Variants in ADAMTS6 observed in about 807,000 individuals in gnomAD.
ADAMTS6 encodes A disintegrin and metalloproteinase with thrombospondin motifs 6.
ADAMTS6 carries 23 observed loss-of-function variants against 144.3 expected under a neutral mutation model. That is an observed-to-expected ratio of 0.16 (90% CI 0.11 to 0.23). The LOEUF is 0.23. ADAMTS6 is among the 10% of genes least tolerant of loss of function. ADAMTS6 has a pLI of 1.00. For missense variants in ADAMTS6, 999 were observed against 1,379.6 expected, an observed-to-expected ratio of 0.72 and a Z score of 4.37; for synonymous variants, 444 against 457.5, an observed-to-expected ratio of 0.97 and a Z score of 0.38.
rs79265687 is a variant in ADAMTS6, at chr5:65,338,351, G to A, written c.1074-4266C>T. Among the ~76,000 whole-genome samples the A allele has an allele frequency of 4.5e-4, 68 of 152,254 alleles. 1 individual carries two copies. The East Asian group carries it at 8.1e-3, about 18-fold the overall frequency. On this transcript the variant is annotated intron_variant, in intron 7 of 24. Transcript: ENST00000381055. ...TCTTTTACCCTAAATTCATAATGAC[G>A]TTGGACAATTGAGCAAGATCAAAAC...
chr5:65,419,159 A>G (rs906977665), intron 7 of ADAMTS6, among the ~76,000 whole-genome samples: 1 of 152,208 alleles, frequency 6.6e-6, no homozygotes, highest in African/African-American at 2.4e-5. Context: ...GTGCCCATCA[A>G]TGGGGACTGG....
chr5:65,253,938 C>G (rs1219997645), intron 14 of ADAMTS6, among the ~76,000 whole-genome samples: 1 of 148,876 alleles, frequency 6.7e-6, no homozygotes, highest in Non-Finnish European at 1.5e-5. Context: ...AGTGATCCTC[C>G]CACTCAAGCA....
chr5:65,249,131 C>T (rs1314214808), intron 14 of ADAMTS6, among the ~76,000 whole-genome samples: 1 of 151,888 alleles, frequency 6.6e-6, no homozygotes, highest in Non-Finnish European at 1.5e-5. Context: ...GACAGTTTGG[C>T]AATTATTATA....
intron 10 of ADAMTS6, among the ~76,000 whole-genome samples, chr5:65,296,247 GAATTGGGTTGATATCATCTACAGT>G (rs1174877568): frequency 5.3e-5 from 8 of 152,108 alleles, no homozygotes; most frequent in Non-Finnish European, 1.0e-4. Flanking sequence ...AAGCAAAATA[GAATTGGGTTGATATCATCTACAGT>G]AAGTCAACTG....
chr5:65,354,043 C>T (rs1749100055), intron 7 of ADAMTS6, among the ~76,000 whole-genome samples: 1 of 151,862 alleles, frequency 6.6e-6, no homozygotes, highest in South Asian at 2.1e-4. Flanking sequence ...ACCTCCTCTA[C>T]CACCTTTCTA....
At chr5:65,182,081 C>T (rs1243340194) in intron 22 of ADAMTS6, among the ~76,000 whole-genome samples, 2 of 152,086 alleles carry the variant, frequency 1.3e-5, no homozygotes, top group African/African-American at 2.4e-5. Context: ...CGAAGAAAGA[C>T]AATTCATTCA....
intron 15 of ADAMTS6, among the ~76,000 whole-genome samples, chr5:65,241,116 C>T (rs7725422): frequency 0.61 from 93,018 of 151,490 alleles, 30,478 homozygotes; most frequent in African/African-American, 0.87. Context: ...TATAGTAAAA[C>T]GTTAATGGTA....
chr5:65,339,267 C>A (rs1747596503), intron 7 of ADAMTS6, among the ~76,000 whole-genome samples: 1 of 152,124 alleles, frequency 6.6e-6, no homozygotes, highest in Non-Finnish European at 1.5e-5. Flanking sequence ...GCTGAAGAAA[C>A]TATACACAGA....
intron 22 of ADAMTS6, among the ~76,000 whole-genome samples, chr5:65,182,848 A>T (rs1250146794): frequency 6.6e-6 from 1 of 152,134 alleles, no homozygotes; most frequent in South Asian, 2.1e-4. Flanking sequence ...TTTCAACCAT[A>T]TTTTCAAGAA....
intron 7 of ADAMTS6, among the ~76,000 whole-genome samples, chr5:65,420,123 A>T (rs1309408298): frequency 3.9e-5 from 6 of 152,188 alleles, no homozygotes; most frequent in Non-Finnish European, 8.8e-5. Flanking sequence ...AGAAGTGCCA[A>T]GCAAAGGGTG....
At chr5:65,207,117 A>G (rs1232586955) in intron 20 of ADAMTS6, among the ~76,000 whole-genome samples, 1 of 152,184 alleles carries the variant, frequency 6.6e-6, no homozygotes, top group Non-Finnish European at 1.5e-5. Flanking sequence ...TCTAACAGTA[A>G]ACTGTCTCCT....
At chr5:65,234,602 T>C (rs982911389) in intron 15 of ADAMTS6, among the ~76,000 whole-genome samples, 8 of 151,752 alleles carry the variant, frequency 5.3e-5, no homozygotes, top group Non-Finnish European at 8.8e-5. Context: ...AGTCACAAGA[T>C]CACAAGTGTA....
At chr5:65,330,007 T>C (rs1483300653) in intron 8 of ADAMTS6, among the ~76,000 whole-genome samples, 1 of 152,058 alleles carries the variant, frequency 6.6e-6, no homozygotes, top group Non-Finnish European at 1.5e-5. Flanking sequence ...CTGTTAAAGA[T>C]GGGAGGTTTT....
At chr5:65,362,694 T>C (rs982026824) in intron 7 of ADAMTS6, among the ~76,000 whole-genome samples, 18 of 152,310 alleles carry the variant, frequency 1.2e-4, no homozygotes, top group African/African-American at 4.3e-4. Context: ...ATTCTTTCCA[T>C]CACATATTTT....
At position 65,455,174 on chromosome 5, in the gene ADAMTS6, C is replaced by T. The variant is rs556321424; in HGVS notation, c.632-2256G>A. Among the ~76,000 whole-genome samples, 1,085 of 152,266 alleles carry T rather than the reference C, an allele frequency of 7.1e-3. 8 individuals carry two copies. The highest frequency in any genetic ancestry group is 0.044 in the Middle Eastern group (13 of 294). ...CCTTCTCCGACCCATTCAATTTCTCCTTTTTATTTAAAATATTGTGAAAAT... is the reference window on the plus strand; with the variant it reads ...CCTTCTCCGACCCATTCAATTTCTCTTTTTTATTTAAAATATTGTGAAAAT... On this transcript the variant is annotated intron_variant, in intron 4 of 24. Transcript: ENST00000381055.
chr5:65,333,030 G>A (rs905489938), intron 8 of ADAMTS6, among the ~76,000 whole-genome samples: 2 of 152,134 alleles, frequency 1.3e-5, no homozygotes, highest in Non-Finnish European at 2.9e-5. Flanking sequence ...GAACTTCCCA[G>A]GCAGTTGCAT....
rs552883511 is a variant in ADAMTS6, at chr5:65,419,383, T to C, written c.1073+32092A>G. ...GACATAAAGACGGCAACAATAGAAATTGAGAACTACTACAGGACAGAAGGA... is the reference window on the plus strand; with the variant it reads ...GACATAAAGACGGCAACAATAGAAACTGAGAACTACTACAGGACAGAAGGA... On this transcript the variant is annotated intron_variant, in intron 7 of 24. Coordinates refer to ENST00000381055, the MANE Select transcript of ADAMTS6 (RefSeq NM_197941.4). Among the ~76,000 whole-genome samples, 5 of 152,060 alleles carry C rather than the reference T, an allele frequency of 3.3e-5. No individual in the cohort carries two copies. In the East Asian group the frequency reaches 9.7e-4, roughly 29 times the overall value.
intron 24 of ADAMTS6, 120 bp from the exon 25 acceptor site, chr5:65,152,065 A>G (rs1752169871): frequency 1.4e-6 from 1 of 727,980 alleles, no homozygotes; most frequent in Non-Finnish European, 2.3e-6. Context: ...CTTGGCTTCG[A>G]CCTCCATGTG....
At chr5:65,239,800 T>C (rs12656072) in intron 15 of ADAMTS6, among the ~76,000 whole-genome samples, 19,507 of 152,000 alleles carry the variant, frequency 0.13, 1,333 homozygotes, top group African/African-American at 0.15. Context: ...AAACGGAAAT[T>C]TCACTGAAAT....
Sources: allele counts gnomAD v4.1 joint callset (sites outside exome capture counted in the v4.1 genomes callset), GRCh38; gene constraint gnomAD v4.1.1; transcripts MANE v1.5; gene names NCBI Gene and HGNC (gene_info 2026-07-23, HGNC 2026-07-21).